The following MYOM1 variants were observed in gnomAD, a reference collection of about 807,000 sequenced individuals.
The protein encoded by MYOM1 is myomesin 1.
Under a neutral mutation model 205.3 loss-of-function variants are expected in MYOM1, and 164 were observed. The ratio of observed to expected loss-of-function variants is 0.80; its 90% CI spans 0.70 to 0.91. The LOEUF is 0.91. MYOM1 is among the 40% of genes least tolerant of loss of function. The pLI, the probability that MYOM1 is intolerant of heterozygous loss-of-function variation, is 0.00. For synonymous variants in MYOM1, 772 were observed against 789.4 expected, an observed-to-expected ratio of 0.98 and a Z score of 0.37; for missense variants, 2,011 against 2,127.3, an observed-to-expected ratio of 0.95 and a Z score of 1.08.
At chr18:3,202,969 T>A (rs529695459) in intron 2 of MYOM1, among the ~76,000 whole-genome samples, 1 of 151,776 alleles carries the variant, frequency 6.6e-6, no homozygotes, top group Admixed American at 6.6e-5. Context: ...ACAGAAGAAT[T>A]AAACAATAAT....
chr18:3,174,322 C>T, intron 6 of MYOM1, 114 bp from the exon 7 acceptor site: 2 of 843,754 alleles, frequency 2.4e-6, no homozygotes, highest in Non-Finnish European at 1.9e-6. Flanking sequence ...GTGGCTAACA[C>T]ATGGCTCTTT....
chr18:3,169,962 C>CA (rs35774401), intron 8 of MYOM1, among the ~76,000 whole-genome samples: 86 of 149,770 alleles, frequency 5.7e-4, no homozygotes, highest in African/African-American at 1.6e-3. Flanking sequence ...TGTTATTCAG[C>CA]AAAAAAAAAG....
chr18:3,236,563 C>T, the MYOM1 span: 1 of 152,138 alleles, frequency 6.6e-6, no homozygotes, highest in Non-Finnish European at 1.5e-5. Context: ...TCGGCCTGAG[C>T]AACTTAAAGG....
chr18:3,088,213 A>T (rs1469729965), intron 29 of MYOM1, among the ~76,000 whole-genome samples: 1 of 152,174 alleles, frequency 6.6e-6, no homozygotes, highest in African/African-American at 2.4e-5. Flanking sequence ...GCAAGCGCAG[A>T]AGGCGAGGGA....
chr18:3,074,717 G>C (rs2079001060), intron 36 of MYOM1, among the ~76,000 whole-genome samples: 1 of 152,128 alleles, frequency 6.6e-6, no homozygotes, highest in Non-Finnish European at 1.5e-5. Flanking sequence ...TATCTCGCAG[G>C]GGCTCCCAGG....
At chr18:3,223,368 G>A (rs149922201), upstream of MYOM1, among the ~76,000 whole-genome samples, 280 of 152,178 alleles carry the variant, frequency 1.8e-3, no homozygotes, top group Non-Finnish European at 3.0e-3. Context: ...TGTTTTCCAC[G>A]GAAGGAAAAG....
At chr18:3,072,153 C>A (rs567870504) in intron 36 of MYOM1, among the ~76,000 whole-genome samples, 134 of 150,370 alleles carry the variant, frequency 8.9e-4, no homozygotes, top group African/African-American at 3.2e-3. Flanking sequence ...TAGGTTCAAG[C>A]GGTTCTCCTG....
intron 8 of MYOM1, among the ~76,000 whole-genome samples, chr18:3,170,057 T>C (rs60696233): frequency 0.039 from 5,912 of 152,240 alleles, 249 homozygotes; most frequent in African/African-American, 0.11. Flanking sequence ...GAAGAACCGA[T>C]ATCATGTGTT....
At chr18:3,202,843 G>A (rs2081084571) in intron 2 of MYOM1, among the ~76,000 whole-genome samples, 2 of 152,096 alleles carry the variant, frequency 1.3e-5, no homozygotes, top group South Asian at 2.1e-4. Flanking sequence ...CTTTACCCAA[G>A]GACGACAGAA....
At chr18:3,077,011 C>CTTTT (rs2079027524) in intron 34 of MYOM1, among the ~76,000 whole-genome samples, 1 of 146,012 alleles carries the variant, frequency 6.8e-6, no homozygotes, top group African/African-American at 2.7e-5. Flanking sequence ...AGCTCCCAGC[C>CTTTT]TTGTTTTTTT....
rs527912333 is a variant in MYOM1 at position 3,183,211 on chromosome 18, G to A, written c.929+4269C>T. ...CCCAAAGTGCTGGGATTACAGGCGTGGGCCACCACGCCCGGCCTGTAACTA... is the reference window on the plus strand; with the variant it reads ...CCCAAAGTGCTGGGATTACAGGCGTAGGCCACCACGCCCGGCCTGTAACTA... On this transcript the variant is annotated intron_variant, in intron 5 of 37. Transcript: ENST00000356443. Among the ~76,000 whole-genome samples the A allele has an allele frequency of 5.7e-4, 87 of 152,296 alleles. 1 individual carries two copies. Among genetic ancestry groups the A allele is most frequent in the Middle Eastern group, 3.4e-3 (1 of 294 alleles).
intron 13 of MYOM1, among the ~76,000 whole-genome samples, chr18:3,144,342 G>C (rs1213571803): frequency 6.6e-6 from 1 of 151,572 alleles, no homozygotes; most frequent in Non-Finnish European, 1.5e-5. Flanking sequence ...AAAAATCATA[G>C]CCAACAAGAG....
At chr18:3,157,713 TAATAATA>T (rs1460046332) in intron 10 of MYOM1, among the ~76,000 whole-genome samples, 1 of 146,686 alleles carries the variant, frequency 6.8e-6, no homozygotes, top group Non-Finnish European at 1.5e-5. Context: ...ATAATAATAA[TAATAATA>T]ATAATCCTTC....
chr18:3,164,837 A>G (rs2080445158), intron 9 of MYOM1, among the ~76,000 whole-genome samples: 1 of 152,242 alleles, frequency 6.6e-6, no homozygotes, highest in East Asian at 1.9e-4. Context: ...GCAATCAATA[A>G]TAATACGTTA....
chr18:3,200,160 C>T (rs2081046999), intron 2 of MYOM1, among the ~76,000 whole-genome samples: 1 of 152,080 alleles, frequency 6.6e-6, no homozygotes, highest in Non-Finnish European at 1.5e-5. Flanking sequence ...CAGAGTGAGA[C>T]TCCAGCTGAA....
chr18:3,111,796 A>T (rs898287630), intron 22 of MYOM1, among the ~76,000 whole-genome samples: 1 of 152,186 alleles, frequency 6.6e-6, no homozygotes, highest in Non-Finnish European at 1.5e-5. Flanking sequence ...TGTGACAGAG[A>T]CCACAGGGCT....
chr18:3,219,077 G>A lies in MYOM1; in HGVS notation c.-29+726C>T, dbSNP rs2081302352. ...CTCCAACACATGACGGCTGGAGTAC[G>A]TTGGGAGGAAAGATGGTTTTAGTGT... On this transcript the variant is annotated intron_variant, in intron 1 of 37. Coordinates refer to ENST00000356443, the MANE Select transcript of MYOM1 (RefSeq NM_003803.4). The surrounding 1 kb of genome is among the most constrained non-coding windows in gnomAD (Gnocchi z 4.4). 6.6e-6 allele frequency among the ~76,000 whole-genome samples: 1 copy of A among 152,128 alleles called. No homozygotes were observed. The highest frequency in any genetic ancestry group is 2.4e-5 in the African/African-American group (1 of 41,420).
chr18:3,141,813 A>G, intron 14 of MYOM1, 126 bp downstream of exon 14: 1 of 1,180,428 alleles, frequency 8.5e-7, no homozygotes, highest in Non-Finnish European at 1.2e-6. Context: ...GTTGATAACA[A>G]TCTAGTGAGA....
chr18:3,079,871 A>T (rs530656741), intron 33 of MYOM1, among the ~76,000 whole-genome samples: 6 of 152,198 alleles, frequency 3.9e-5, no homozygotes, highest in Admixed American at 1.3e-4. Flanking sequence ...CCAAGAGTGA[A>T]TGAAAAGCAG....
Sources: gnomAD v4.1 joint callset for allele counts (sites outside exome capture counted in the v4.1 genomes callset) on GRCh38, gnomAD v4.1.1 for gene constraint, Gnocchi (gnomAD v3.1) non-coding constraint, MANE v1.5 for transcripts, NCBI Gene and HGNC (gene_info 2026-07-23, HGNC 2026-07-21) for gene names.